Variants in COL25A1 observed in about 807,000 individuals in gnomAD.
COL25A1 encodes collagen alpha-1(XXV) chain.
Under a neutral mutation model 128.4 loss-of-function variants are expected in COL25A1, and 103 were observed. That is an observed-to-expected ratio of 0.80 (90% confidence interval 0.68 to 0.94). The LOEUF is 0.94. Ranked by LOEUF, COL25A1 falls within the 40% of genes least tolerant of loss-of-function variation. The probability of loss-of-function intolerance (pLI) is 0.00; values close to 1 mark genes in which losing one functional copy is unlikely to be tolerated. For missense variants in COL25A1, 745 were observed against 840.0 expected (o/e 0.89, Z 1.40); for synonymous variants, 279 against 277.2 (o/e 1.01, Z -0.06).
intron 33 of COL25A1, among the ~76,000 whole-genome samples, chr4:108,825,951 C>T (rs947142705): frequency 7.9e-5 from 12 of 152,092 alleles, no homozygotes; most frequent in African/African-American, 2.9e-4. Context: ...CCTATTGTGT[C>T]ATATTATGGA....
At chr4:109,096,163 T>C (rs1765383083) in intron 3 of COL25A1, among the ~76,000 whole-genome samples, 1 of 152,234 alleles carries the variant, frequency 6.6e-6, no homozygotes, top group African/African-American at 2.4e-5. Context: ...ATGTATTGCC[T>C]GTAAACAAAC....
intron 3 of COL25A1, among the ~76,000 whole-genome samples, chr4:109,108,840 T>G (rs1160688589): frequency 6.6e-6 from 1 of 152,186 alleles, no homozygotes; most frequent in Non-Finnish European, 1.5e-5. Context: ...CTTCTTAGAC[T>G]ATAATATAGT....
intron 3 of COL25A1, among the ~76,000 whole-genome samples, chr4:109,085,032 G>GA (rs1764228892): frequency 6.6e-6 from 1 of 152,136 alleles, no homozygotes; most frequent in Non-Finnish European, 1.5e-5. Flanking sequence ...TGTCATAGCA[G>GA]AATTTGGGAC....
chr4:109,206,331 C>G (rs1230482527), intron 3 of COL25A1, among the ~76,000 whole-genome samples: 1 of 152,142 alleles, frequency 6.6e-6, no homozygotes, highest in Admixed American at 6.6e-5. Flanking sequence ...TATCTTCTCT[C>G]TCCATAAAAA....
chr4:109,073,078 T>C (rs952868425), intron 3 of COL25A1, among the ~76,000 whole-genome samples: 4 of 152,160 alleles, frequency 2.6e-5, no homozygotes, highest in Non-Finnish European at 5.9e-5. Flanking sequence ...TATACTGTTA[T>C]ACACACAATC....
chr4:108,992,142 C>T (rs1263896686), intron 6 of COL25A1, among the ~76,000 whole-genome samples: 1 of 152,142 alleles, frequency 6.6e-6, no homozygotes, highest in African/African-American at 2.4e-5. Context: ...TTTTTTCTCA[C>T]TGAGTAATAC....
At chr4:108,947,373 C>T (rs1212073779) in intron 8 of COL25A1, among the ~76,000 whole-genome samples, 2 of 150,724 alleles carry the variant, frequency 1.3e-5, no homozygotes, top group Non-Finnish European at 2.9e-5. Flanking sequence ...ACCTGGGAGG[C>T]GGAGGTTGCA....
intron 6 of COL25A1, among the ~76,000 whole-genome samples, chr4:108,984,164 T>C (rs914004884): frequency 6.6e-6 from 1 of 152,208 alleles, no homozygotes; most frequent in Admixed American, 6.5e-5. Context: ...ATACAGAGTG[T>C]TGATTGGTGC....
At chr4:108,996,209 G>A (rs1754752062) in intron 6 of COL25A1, among the ~76,000 whole-genome samples, 2 of 148,714 alleles carry the variant, frequency 1.3e-5, no homozygotes, top group African/African-American at 5.0e-5. Flanking sequence ...TCGGTGTGCT[G>A]TATTCATGAG....
intron 3 of COL25A1, among the ~76,000 whole-genome samples, chr4:109,244,943 C>T (rs747435201): frequency 3.3e-5 from 5 of 151,970 alleles, no homozygotes; most frequent in Non-Finnish European, 7.4e-5. Context: ...ATTCAAATAG[C>T]CATAAACTAA....
At chr4:109,253,740 CA>C in intron 3 of COL25A1, among the ~76,000 whole-genome samples, 1 of 152,076 alleles carries the variant, frequency 6.6e-6, no homozygotes, top group African/African-American at 2.4e-5. Flanking sequence ...ACTTTTTGAC[CA>C]ACACCAAATA....
intron 5 of COL25A1, among the ~76,000 whole-genome samples, chr4:109,030,763 G>A (rs1015250984): frequency 6.6e-6 from 1 of 152,050 alleles, no homozygotes. Flanking sequence ...TTTTGTTGTT[G>A]TTGTTGTTGT....
At chr4:109,281,345 T>C (rs1723370906) in intron 3 of COL25A1, among the ~76,000 whole-genome samples, 2 of 152,100 alleles carry the variant, frequency 1.3e-5, no homozygotes, top group Non-Finnish European at 2.9e-5. Flanking sequence ...AAAAACTGTT[T>C]TCTTGAACAT....
chr4:109,252,826 G>A (rs1293245554), intron 3 of COL25A1, among the ~76,000 whole-genome samples: 1 of 152,174 alleles, frequency 6.6e-6, no homozygotes, highest in African/African-American at 2.4e-5. Context: ...CCCAGAAAAG[G>A]ACTATAGTGT....
At chr4:109,175,943 T>C (rs1435268383) in intron 3 of COL25A1, among the ~76,000 whole-genome samples, 3 of 152,228 alleles carry the variant, frequency 2.0e-5, no homozygotes, top group East Asian at 1.9e-4. Flanking sequence ...CCTTAACTTA[T>C]AGTGAAGAAT....
chr4:108,870,031 T>C (rs1324255312), intron 19 of COL25A1, among the ~76,000 whole-genome samples: 1 of 152,068 alleles, frequency 6.6e-6, no homozygotes, highest in Non-Finnish European at 1.5e-5. Flanking sequence ...GGTGGGTGGA[T>C]CACTTGAGTC....
In COL25A1 at chr4:109,194,711, G is replaced by A. The variant is rs527374200; in HGVS notation, c.367+105872C>T. 5.3e-5 allele frequency among the ~76,000 whole-genome samples: 8 copies of A among 152,144 alleles called. No individual in the cohort carries two copies. In the South Asian group the frequency reaches 8.3e-4, roughly 16 times the overall value. ...TATGAAAATAAGTTATAATCTCGTGGTAGATTGTATTAATGGCCCCCGTTC... is the reference window on the plus strand; with the variant it reads ...TATGAAAATAAGTTATAATCTCGTGATAGATTGTATTAATGGCCCCCGTTC... On this transcript the variant is annotated intron_variant, in intron 3 of 37. Coordinates refer to ENST00000399132, the MANE Select transcript of COL25A1 (RefSeq NM_198721.4).
At chr4:109,284,815 T>G (rs1016223802) in intron 3 of COL25A1, among the ~76,000 whole-genome samples, 1 of 149,810 alleles carries the variant, frequency 6.7e-6, no homozygotes, top group African/African-American at 2.5e-5. Flanking sequence ...TAGTCTTGAA[T>G]TTGTCCCCCC....
At chr4:109,109,698 T>C (rs1002292105) in intron 3 of COL25A1, among the ~76,000 whole-genome samples, 1 of 152,214 alleles carries the variant, frequency 6.6e-6, no homozygotes, top group Admixed American at 6.6e-5. Context: ...CCATCTGAAA[T>C]GCCCTTAACC....
Sources: gnomAD v4.1 joint callset for allele counts (sites outside exome capture counted in the v4.1 genomes callset) on GRCh38, gnomAD v4.1.1 for gene constraint, MANE v1.5 for transcripts, NCBI Gene and HGNC (gene_info 2026-07-23, HGNC 2026-07-21) for gene names.